SLIT2: variants seen among roughly 807,000 people sequenced by gnomAD.
SLIT2 encodes slit guidance ligand 2.
Under a neutral mutation model 185.7 loss-of-function variants are expected in SLIT2, and 41 were observed. That is an observed-to-expected ratio of 0.22 (90% CI 0.17 to 0.29). SLIT2 has a LOEUF of 0.29. Ranked by LOEUF, SLIT2 falls within the 10% of genes least tolerant of loss-of-function variation. SLIT2 has a pLI of 1.00. For missense variants in SLIT2, 1,571 were observed against 1,909.0 expected (o/e 0.82, Z 3.30); for synonymous variants, 693 against 680.2 (o/e 1.02, Z -0.29).
chr4:20,528,363 G>A lies in SLIT2; in HGVS notation c.1463-586G>A, dbSNP rs1303698793. 3.7e-6 allele frequency: 2 copies of A among 534,316 alleles called. No individual in the cohort carries two copies. Among genetic ancestry groups the A allele is most frequent in the African/African-American group, 3.9e-5 (2 of 51,900 alleles). The allele number at this position is 534,316 out of a possible 1,614,324, so 33.1% of individuals were successfully genotyped here. ...AAACATGGTTCCGTCAAGCACCATGGAACGTCACGCAGCTTTCTACAGCAT... is the reference window on the plus strand; with the variant it reads ...AAACATGGTTCCGTCAAGCACCATGAAACGTCACGCAGCTTTCTACAGCAT... On this transcript the variant is annotated intron_variant, in intron 15 of 36. Transcript: ENST00000504154. The surrounding 1 kb of genome is among the most constrained non-coding windows in gnomAD (Gnocchi z 4.2).
intron 29 of SLIT2, chr4:20,573,153 G>T: frequency 1.4e-6 from 1 of 702,166 alleles, no homozygotes; most frequent in South Asian, 1.5e-5. Flanking sequence ...TGTTGTGAAC[G>T]CTGCGCATTG....
chr4:20,451,527 C>T (rs1190445625), intron 4 of SLIT2, among the ~76,000 whole-genome samples: 1 of 152,166 alleles, frequency 6.6e-6, no homozygotes, highest in Non-Finnish European at 1.5e-5. Context: ...TAATTTCCTA[C>T]TAATGCACAC....
chr4:20,384,816 G>A (rs980016708), intron 4 of SLIT2, among the ~76,000 whole-genome samples: 3 of 152,086 alleles, frequency 2.0e-5, no homozygotes, highest in African/African-American at 4.8e-5. Context: ...CAATTCATAT[G>A]TATATGCTTT....
chr4:20,443,644 A>G (rs1310429537), intron 4 of SLIT2, among the ~76,000 whole-genome samples: 1 of 150,158 alleles, frequency 6.7e-6, no homozygotes, highest in African/African-American at 2.5e-5. Context: ...ATGGCTTTAT[A>G]ACAATGATTA....
At chr4:20,362,093 G>A (rs1057069401) in intron 4 of SLIT2, among the ~76,000 whole-genome samples, 2 of 152,102 alleles carry the variant, frequency 1.3e-5, no homozygotes, top group African/African-American at 4.8e-5. Flanking sequence ...AGCCTAATTA[G>A]CCCATGCTTT....
At chr4:20,256,831 T>A (rs2109007281) in intron 2 of SLIT2, 88 bp downstream of exon 2, 1 of 623,528 alleles carries the variant, frequency 1.6e-6, no homozygotes, top group East Asian at 2.9e-5. Context: ...ACTATTCTGA[T>A]GACAGTAACA....
intron 4 of SLIT2, among the ~76,000 whole-genome samples, chr4:20,353,014 T>C (rs1448207401): frequency 3.3e-5 from 5 of 152,194 alleles, no homozygotes; most frequent in Admixed American, 2.6e-4. Context: ...TATAATCATC[T>C]AGAGATGCAA....
At chr4:20,367,384 C>A (rs936114286) in intron 4 of SLIT2, among the ~76,000 whole-genome samples, 3 of 152,018 alleles carry the variant, frequency 2.0e-5, no homozygotes, top group African/African-American at 7.2e-5. Flanking sequence ...TTTGGGAAAC[C>A]TTTTGTCTTT....
At chr4:20,361,224 C>G (rs939347840) in intron 4 of SLIT2, among the ~76,000 whole-genome samples, 3 of 151,842 alleles carry the variant, frequency 2.0e-5, no homozygotes, top group Non-Finnish European at 2.9e-5. Context: ...CTTCTTCAAC[C>G]AGATTCACTT....
At chr4:20,491,151 T>C (rs182862491) in intron 8 of SLIT2, among the ~76,000 whole-genome samples, 1 of 152,320 alleles carries the variant, frequency 6.6e-6, no homozygotes, top group South Asian at 2.1e-4. Flanking sequence ...CCCAAAAGAA[T>C]AATTTTTTAT....
intron 23 of SLIT2, 80 bp downstream of exon 23, chr4:20,548,639 G>A (rs1178001672): frequency 6.1e-6 from 5 of 823,494 alleles, no homozygotes; most frequent in Non-Finnish European, 1.0e-5. Context: ...CATTGCTATT[G>A]AACAAGACAG....
At chr4:20,548,860 C>T (rs768667826) in intron 23 of SLIT2, among the ~76,000 whole-genome samples, 197 bp from the exon 24 acceptor site, 5 of 151,932 alleles carry the variant, frequency 3.3e-5, no homozygotes, top group Admixed American at 6.6e-5. Context: ...GAGTAGGCAG[C>T]GGGAAGCATT....
intron 4 of SLIT2, among the ~76,000 whole-genome samples, chr4:20,378,648 A>T (rs1413625300): frequency 6.6e-6 from 1 of 152,156 alleles, no homozygotes; most frequent in Admixed American, 6.6e-5. Context: ...TATTTTCAGT[A>T]ACTGGAAGGT....
chr4:20,556,635 A>G (rs1724280793), intron 26 of SLIT2, among the ~76,000 whole-genome samples: 1 of 151,994 alleles, frequency 6.6e-6, no homozygotes, highest in Non-Finnish European at 1.5e-5. Context: ...CAATACTGAA[A>G]TTAGGCCAGA....
At chr4:20,614,477 T>TA (rs552389736) in intron 34 of SLIT2, among the ~76,000 whole-genome samples, 14 of 151,914 alleles carry the variant, frequency 9.2e-5, no homozygotes, top group African/African-American at 3.4e-4. Flanking sequence ...AGGAAAGGCT[T>TA]AAAAAAAATC....
intron 4 of SLIT2, among the ~76,000 whole-genome samples, chr4:20,292,302 A>G (rs1716032002): frequency 6.6e-6 from 1 of 152,194 alleles, no homozygotes; most frequent in Non-Finnish European, 1.5e-5. Flanking sequence ...CGTTGCAGCC[A>G]TTTACTCAAC....
intron 30 of SLIT2, among the ~76,000 whole-genome samples, chr4:20,592,156 A>G (rs1038586427): frequency 2.6e-5 from 4 of 152,140 alleles, no homozygotes; most frequent in African/African-American, 7.2e-5. Flanking sequence ...TCTACTGACA[A>G]ATGTTGTTTA....
At chr4:20,335,209 AG>A (rs1720394866) in intron 4 of SLIT2, among the ~76,000 whole-genome samples, 1 of 152,130 alleles carries the variant, frequency 6.6e-6, no homozygotes, top group South Asian at 2.1e-4. Context: ...AAACCATATC[AG>A]GGAGCTTGAG....
chr4:20,598,435 G>T, intron 33 of SLIT2, 40 bp downstream of exon 33: 1 of 1,609,852 alleles, frequency 6.2e-7, no homozygotes, highest in Non-Finnish European at 8.5e-7. Context: ...GAAAAAAATT[G>T]CTTAATGAAG....
Sources: gnomAD v4.1 joint callset for allele counts (sites outside exome capture counted in the v4.1 genomes callset) on GRCh38, gnomAD v4.1.1 for gene constraint, Gnocchi (gnomAD v3.1) non-coding constraint, MANE v1.5 for transcripts, NCBI Gene and HGNC (gene_info 2026-07-23, HGNC 2026-07-21) for gene names.